The following MICAL3 variants were observed in gnomAD, a reference collection of about 807,000 sequenced individuals.
MICAL3 encodes the protein microtubule associated monooxygenase, calponin and LIM domain containing 3.
In MICAL3, 62 loss-of-function variants were observed where a neutral mutation model predicts 207.4. The observed-to-expected ratio is 0.30, with a 90% CI of 0.24 to 0.37. The LOEUF is 0.37. Among genes scored for constraint, MICAL3 ranks in the 10% least tolerant of loss-of-function variants. MICAL3 has a pLI of 1.00. For synonymous variants in MICAL3, 1,077 were observed against 1,069.3 expected, an observed-to-expected ratio of 1.01 and a Z score of -0.14; for missense variants, 2,368 against 2,635.6, an observed-to-expected ratio of 0.90 and a Z score of 2.22.
At chr22:17,802,493 A>G (rs1279211979) in intron 29 of MICAL3, among the ~76,000 whole-genome samples, 1 of 152,128 alleles carries the variant, frequency 6.6e-6, no homozygotes, top group African/African-American at 2.4e-5. Flanking sequence ...GTGGTCGTTG[A>G]GTGTGGAGGT....
chr22:17,889,107 C>A lies in MICAL3; in HGVS notation c.1818G>T (p.Glu606Asp). The A allele has an allele frequency of 6.2e-7, 1 of 1,613,828 alleles. No homozygotes were observed. The highest frequency in any genetic ancestry group is 8.5e-7 in the Non-Finnish European group (1 of 1,179,774). Residue 606 changes from glutamate to aspartate, a missense_variant, in exon 13 of 32, where the codon GAG becomes GAT. Physicochemically the swap from Glu to Asp is conservative, Grantham distance 45 (BLOSUM62 2). Coordinates refer to ENST00000441493, the MANE Select transcript of MICAL3 (RefSeq NM_015241.3). ...ACATCACCATGGACAGCTTATCAGG[C>A]TCCCCCACGGAGGCCATTTCTTTGC... is the stretch of plus-strand genomic sequence containing the variant. ...MTGKEMASVGEPDKLSMVMYL... is the reference protein window; with the variant it reads ...MTGKEMASVGDPDKLSMVMYL...
rs542551663 is a variant in MICAL3, at chr22:17,865,655, A to G, written c.2517+269T>C. 7.9e-5 allele frequency among the ~76,000 whole-genome samples: 12 copies of G among 152,346 alleles called. No individual in the cohort carries two copies. In the East Asian group the frequency reaches 1.7e-3, roughly 22 times the overall value. ...GAAAGATGTGTGTTGACGAAGGCAGATGTCTACGCAGCTGAGATGGAGAGC... is the reference window on the plus strand; with the variant it reads ...GAAAGATGTGTGTTGACGAAGGCAGGTGTCTACGCAGCTGAGATGGAGAGC... On this transcript the variant is annotated intron_variant, in intron 18 of 31. Coordinates refer to ENST00000441493, the MANE Select transcript of MICAL3 (RefSeq NM_015241.3).
intron 3 of MICAL3, 35 bp downstream of exon 3, chr22:17,904,597 G>A (rs1355465500): frequency 6.7e-7 from 1 of 1,500,906 alleles, no homozygotes; most frequent in Non-Finnish European, 9.3e-7. Context: ...GCAAGGGGTA[G>A]GGTGGAATCT....
intron 1 of MICAL3, among the ~76,000 whole-genome samples, chr22:17,962,422 G>A (rs1389686520): frequency 6.6e-6 from 1 of 152,188 alleles, no homozygotes; most frequent in African/African-American, 2.4e-5. Flanking sequence ...GCAGGCAGCT[G>A]ACCCAGGGCT....
chr22:18,000,713 G>C (rs1373427613), intron 1 of MICAL3, among the ~76,000 whole-genome samples: 4 of 152,242 alleles, frequency 2.6e-5, no homozygotes, highest in Non-Finnish European at 5.9e-5. Flanking sequence ...GCATCACTGA[G>C]ACTAGAGGCG....
intron 1 of MICAL3, among the ~76,000 whole-genome samples, chr22:17,945,950 G>A (rs1325300614): frequency 6.6e-6 from 1 of 152,146 alleles, no homozygotes; most frequent in African/African-American, 2.4e-5. Flanking sequence ...TACAGGGAGG[G>A]GCAGACACAG....
At chr22:18,021,041 A>C (rs1569170247) in intron 1 of MICAL3, among the ~76,000 whole-genome samples, 1 of 152,224 alleles carries the variant, frequency 6.6e-6, no homozygotes, top group Non-Finnish European at 1.5e-5. Context: ...TGAAAAGGGA[A>C]TTTATTAAAG....
rs967678943 is a variant in MICAL3 at position 17,836,374 on chromosome 22, G to A, written c.2802-4267C>T. On this transcript the variant is annotated intron_variant, in intron 20 of 31. Transcript: ENST00000441493. ...CGCTGCTTTTATAAATGACAAGACC[G>A]AAGCCTAAGGAAGTTGGGTCATTTG... Among the ~76,000 whole-genome samples the A allele has an allele frequency of 2.6e-5, 4 of 152,212 alleles. No individual in the cohort carries two copies. In the East Asian group the frequency reaches 5.8e-4, roughly 22 times the overall value.
chr22:17,961,506 C>G (rs1005689645), intron 1 of MICAL3, among the ~76,000 whole-genome samples: 1 of 152,090 alleles, frequency 6.6e-6, no homozygotes, highest in Admixed American at 6.5e-5. Flanking sequence ...CCTCTCACCC[C>G]CATGGTCCTT....
chr22:17,927,038 C>CT (rs1347970061), intron 1 of MICAL3, among the ~76,000 whole-genome samples: 3 of 152,184 alleles, frequency 2.0e-5, no homozygotes, highest in Non-Finnish European at 2.9e-5. Context: ...ATCTCCAGAA[C>CT]TTTTTTGTCA....
At chr22:18,013,496 T>C (rs765592048) in intron 1 of MICAL3, among the ~76,000 whole-genome samples, 49 of 152,230 alleles carry the variant, frequency 3.2e-4, no homozygotes, top group Non-Finnish European at 5.9e-4. Flanking sequence ...CAAGTCTGTC[T>C]GATGTGGGGT....
intron 29 of MICAL3, among the ~76,000 whole-genome samples, chr22:17,804,807 G>A (rs1299558062): frequency 2.6e-5 from 4 of 152,308 alleles, no homozygotes; most frequent in African/African-American, 9.6e-5. Flanking sequence ...CTCCCCTTGA[G>A]AGTGACACAG....
chr22:17,875,224 A>T lies in MICAL3; in HGVS notation c.2242-3201T>A, dbSNP rs1928166608. 7 of 331,022 alleles carry T rather than the reference A, an allele frequency of 2.1e-5. No homozygotes were observed. In the East Asian group the frequency reaches 4.0e-4, roughly 19 times the overall value. 20.5% of individuals were successfully genotyped at this position (331,022 alleles called of 1,614,324 possible). On this transcript the variant is annotated intron_variant, in intron 16 of 31. Coordinates refer to ENST00000441493, the MANE Select transcript of MICAL3 (RefSeq NM_015241.3). Reference sequence around the variant, plus strand: ...ACATCAACAGACCTGGATGTGTCAGATACAGTTGGATGAAAGCCAGCAGCC... The same window carrying T: ...ACATCAACAGACCTGGATGTGTCAGTTACAGTTGGATGAAAGCCAGCAGCC...
chr22:17,858,570 G>T, intron 19 of MICAL3: 1 of 581,522 alleles, frequency 1.7e-6, no homozygotes, highest in Non-Finnish European at 2.2e-6. Context: ...GCATCATCCT[G>T]CCCTATTTTT....
chr22:17,953,081 G>A (rs1424661106), intron 1 of MICAL3, among the ~76,000 whole-genome samples: 1 of 152,146 alleles, frequency 6.6e-6, no homozygotes, highest in African/African-American at 2.4e-5. Context: ...CATAAGGTGT[G>A]CACAGCCACT....
At position 17,821,632 on chromosome 22, in the gene MICAL3, CAGT is replaced by C. The variant is rs530481645; in HGVS notation, c.3449-126_3449-124del. 49 of 767,218 alleles carry C rather than the reference CAGT, an allele frequency of 6.4e-5. 1 individual carries two copies. In the South Asian group the frequency reaches 8.2e-4, roughly 13 times the overall value. 47.5% of individuals were successfully genotyped at this position (767,218 alleles called of 1,614,324 possible). On this transcript the variant is annotated intron_variant, in intron 24 of 31. Transcript: ENST00000441493. Reference sequence around the variant, plus strand: ...GAGGGCGAGTCGCTGAGTCGGCTCCCAGTTCTCCTGGAAAGCACAGGTTCTCTC... The same window carrying C: ...GAGGGCGAGTCGCTGAGTCGGCTCCCTCTCCTGGAAAGCACAGGTTCTCTC...
intron 1 of MICAL3, among the ~76,000 whole-genome samples, chr22:17,969,096 G>A (rs147548265): frequency 0.015 from 2,281 of 152,114 alleles, 25 homozygotes; most frequent in South Asian, 0.033. Flanking sequence ...AGGCTGGAGT[G>A]CAGTAGCAGG....
intron 27 of MICAL3, among the ~76,000 whole-genome samples, chr22:17,816,014 G>A (rs1170158453): frequency 6.6e-6 from 1 of 152,238 alleles, no homozygotes; most frequent in Non-Finnish European, 1.5e-5. Context: ...CCAGGAGGAG[G>A]AGCACAGGCC....
chr22:17,820,440 C>T (rs1161098441), intron 25 of MICAL3, among the ~76,000 whole-genome samples: 2 of 152,194 alleles, frequency 1.3e-5, no homozygotes, highest in Admixed American at 6.5e-5. Flanking sequence ...CTGCAAGCTC[C>T]GCCTTCCGGG....
Sources: allele counts gnomAD v4.1 joint callset (sites outside exome capture counted in the v4.1 genomes callset), GRCh38; gene constraint gnomAD v4.1.1; transcripts MANE v1.5; gene names NCBI Gene and HGNC (gene_info 2026-07-23, HGNC 2026-07-21).